The following IGSF11 variants were observed in gnomAD, a reference collection of about 807,000 sequenced individuals.
IGSF11 encodes the protein CXADR like 1.
In IGSF11, 22 loss-of-function variants were observed where a neutral mutation model predicts 41.0. That is an observed-to-expected ratio of 0.54 (90% CI 0.38 to 0.77). The LOEUF (loss-of-function observed/expected upper bound fraction) is 0.77. IGSF11 is among the 30% of genes least tolerant of loss of function. The probability of loss-of-function intolerance (pLI) is 0.00; values close to 1 mark genes in which losing one functional copy is unlikely to be tolerated. For synonymous variants in IGSF11, 219 were observed against 201.3 expected, an observed-to-expected ratio of 1.09 and a Z score of -0.74; for missense variants, 444 against 530.8, an observed-to-expected ratio of 0.84 and a Z score of 1.61.
At chr3:119,057,030 A>G (rs1249471360) in intron 1 of IGSF11, among the ~76,000 whole-genome samples, 1 of 152,218 alleles carries the variant, frequency 6.6e-6, no homozygotes, top group Non-Finnish European at 1.5e-5. Flanking sequence ...TGAATGGACA[A>G]AAACTGGAAG....
At chr3:119,072,258 T>C (rs1029053541) in intron 1 of IGSF11, among the ~76,000 whole-genome samples, 1 of 152,214 alleles carries the variant, frequency 6.6e-6, no homozygotes, top group Non-Finnish European at 1.5e-5. Flanking sequence ...AATAAGCCTT[T>C]TTAAAAATCA....
At chr3:118,945,020 G>A (rs1278477919) in intron 1 of IGSF11, 4 of 152,032 alleles carry the variant, frequency 2.6e-5, no homozygotes, top group African/African-American at 9.7e-5. Context: ...GTGTAGCCTG[G>A]GGCACATTAT....
At chr3:119,004,275 T>C (rs1163862741) in intron 1 of IGSF11, among the ~76,000 whole-genome samples, 2 of 151,774 alleles carry the variant, frequency 1.3e-5, no homozygotes, top group Admixed American at 1.3e-4. Flanking sequence ...TATTCTCTGA[T>C]GGTAGTTTGT....
At chr3:118,961,514 C>T (rs1256774706) in intron 1 of IGSF11, among the ~76,000 whole-genome samples, 3 of 152,134 alleles carry the variant, frequency 2.0e-5, no homozygotes, top group Non-Finnish European at 4.4e-5. Context: ...AAAGAAAAGT[C>T]TCAAAATAAA....
At chr3:119,076,236 C>T (rs1266140676) in intron 1 of IGSF11, among the ~76,000 whole-genome samples, 15 of 152,306 alleles carry the variant, frequency 9.8e-5, no homozygotes, top group Non-Finnish European at 2.2e-4. Flanking sequence ...GGATCCCTTC[C>T]TTACACCTTA....
At chr3:119,117,857 G>A (rs906938735) in intron 1 of IGSF11, among the ~76,000 whole-genome samples, 3 of 152,316 alleles carry the variant, frequency 2.0e-5, no homozygotes, top group Admixed American at 6.5e-5. Context: ...CTAAAACAAA[G>A]GGGCTATAGG....
At chr3:119,045,739 T>TCCCTG (rs1376734156) in intron 1 of IGSF11, among the ~76,000 whole-genome samples, 4 of 151,890 alleles carry the variant, frequency 2.6e-5, no homozygotes, top group Non-Finnish European at 5.9e-5. Flanking sequence ...CACTTAAATG[T>TCCCTG]CCCTGTCTGA....
intron 4 of IGSF11, among the ~76,000 whole-genome samples, chr3:118,911,978 A>G (rs1940377489): frequency 6.6e-6 from 1 of 152,176 alleles, no homozygotes; most frequent in African/African-American, 2.4e-5. Flanking sequence ...TCTTCACTGT[A>G]TTAAATTATG....
intron 1 of IGSF11, among the ~76,000 whole-genome samples, chr3:119,093,085 A>G (rs180712830): frequency 1.3e-5 from 2 of 152,318 alleles, no homozygotes; most frequent in Admixed American, 1.3e-4. Flanking sequence ...GTAACACATG[A>G]TTGTATATTA....
intron 1 of IGSF11, among the ~76,000 whole-genome samples, chr3:118,958,929 T>C (rs1033315000): frequency 5.3e-5 from 8 of 152,338 alleles, no homozygotes; most frequent in African/African-American, 4.8e-5. Flanking sequence ...TCAACATTAA[T>C]AGAAGTCATC....
intron 4 of IGSF11, among the ~76,000 whole-genome samples, chr3:118,925,766 C>T (rs28655404): frequency 0.029 from 4,368 of 152,192 alleles, 224 homozygotes; most frequent in African/African-American, 0.1. Context: ...GGCAGCTCTA[C>T]CTCAAGCAGG....
intron 1 of IGSF11, among the ~76,000 whole-genome samples, chr3:119,075,549 C>A (rs563437733): frequency 1.3e-5 from 2 of 152,116 alleles, no homozygotes; most frequent in African/African-American, 4.8e-5. Flanking sequence ...GCCAATATCC[C>A]TCATAAACGT....
intron 1 of IGSF11, among the ~76,000 whole-genome samples, chr3:119,062,245 A>G (rs1431692619): frequency 1.3e-5 from 2 of 152,202 alleles, no homozygotes; most frequent in Non-Finnish European, 2.9e-5. Context: ...CCACCCAAAT[A>G]TTTCACTGCA....
intron 1 of IGSF11, among the ~76,000 whole-genome samples, chr3:118,952,027 A>G (rs1944608305): frequency 6.6e-6 from 1 of 152,212 alleles, no homozygotes; most frequent in Admixed American, 6.5e-5. Context: ...AAATCTCAAT[A>G]AAGCAAGTCA....
intron 1 of IGSF11, among the ~76,000 whole-genome samples, chr3:119,055,389 C>A (rs1304207416): frequency 1.3e-5 from 2 of 152,074 alleles, no homozygotes; most frequent in Non-Finnish European, 2.9e-5. Context: ...TTACATAACG[C>A]TAAAGGGATC....
intron 1 of IGSF11, among the ~76,000 whole-genome samples, chr3:118,946,525 C>T (rs1944156887): frequency 6.6e-6 from 1 of 151,680 alleles, no homozygotes; most frequent in Non-Finnish European, 1.5e-5. Flanking sequence ...AATGCTTAGT[C>T]CTGAAGAATG....
Position 118,902,954 on chromosome 3 carries a change from C to T in IGSF11, c.862G>A (p.Asp288Asn), listed in dbSNP as rs1419690596. Residue 288 changes from aspartate to asparagine, a missense_variant, in exon 7 of 7, where the codon GAT becomes AAT. Transcript: ENST00000393775. The part of the protein sequence containing the change: ...EEIPNEIRED[D>N]LPPKCSSAKA... The stretch of plus-strand genomic sequence containing the variant: ...GCAGAAGAACACTTGGGTGGAAGAT[C>T]ATCCTCTCTGAAAGGAACAAAATAA... 1.2e-6 allele frequency: 2 copies of T among 1,613,384 alleles called. No homozygotes were observed. Among genetic ancestry groups the T allele is most frequent in the South Asian group, 2.2e-5 (2 of 91,044 alleles).
At chr3:118,956,650 G>A (rs1192318882) in intron 1 of IGSF11, among the ~76,000 whole-genome samples, 5 of 152,048 alleles carry the variant, frequency 3.3e-5, no homozygotes, top group African/African-American at 1.2e-4. Flanking sequence ...ATGGCACCCC[G>A]AAACAATTAC....
chr3:119,052,248 G>GGA, intron 1 of IGSF11, among the ~76,000 whole-genome samples: 1 of 152,250 alleles, frequency 6.6e-6, no homozygotes, highest in South Asian at 2.1e-4. Context: ...GGGAAGCCAA[G>GGA]GTGGGTGGAT....
Sources: allele counts gnomAD v4.1 joint callset (sites outside exome capture counted in the v4.1 genomes callset), GRCh38; gene constraint gnomAD v4.1.1; transcripts MANE v1.5; gene names NCBI Gene and HGNC (gene_info 2026-07-23, HGNC 2026-07-21).